RSPO4: variants seen among roughly 807,000 people sequenced by gnomAD.
The protein encoded by RSPO4 is R-spondin-4.
RSPO4 carries 23 observed loss-of-function variants against 24.8 expected under a neutral mutation model. That is an observed-to-expected ratio of 0.93 (90% CI 0.67 to 1.31). RSPO4 has a LOEUF of 1.31. Ranked by LOEUF, RSPO4 falls within the 40% of genes most tolerant of loss-of-function variation. The pLI is 0.00. For missense variants in RSPO4, 333 were observed against 316.5 expected (o/e 1.05, Z -0.39); for synonymous variants, 141 against 127.4 (o/e 1.11, Z -0.72).
chr20:967,607 T>C lies in RSPO4; in HGVS notation c.269-293A>G, dbSNP rs768507606. 1.3e-5 allele frequency among the ~76,000 whole-genome samples: 2 copies of C among 152,166 alleles called. 1 individual carries two copies. Among genetic ancestry groups the C allele is most frequent in the Admixed American group, 1.3e-4 (2 of 15,282 alleles). On this transcript the variant is annotated intron_variant, in intron 2 of 4. Transcript: ENST00000217260. ...CCCTGCTTCTTTTTCACCTCAGAAA[T>C]AGTGATAATTTGCCCAAAGTTACAG...
chr20:983,557 A>C (rs1351390125), intron 1 of RSPO4, among the ~76,000 whole-genome samples: 1 of 152,214 alleles, frequency 6.6e-6, no homozygotes, highest in East Asian at 1.9e-4. Flanking sequence ...CCAGAGTTCC[A>C]CAGTGCTAAT....
At chr20:986,505 A>G (rs545250015) in intron 1 of RSPO4, among the ~76,000 whole-genome samples, 1 of 152,194 alleles carries the variant, frequency 6.6e-6, no homozygotes, top group Admixed American at 6.5e-5. Context: ...GGAAGCAGTG[A>G]TGGGAAAGGA....
At chr20:976,367 T>G (rs1781573855) in intron 1 of RSPO4, among the ~76,000 whole-genome samples, 1 of 152,142 alleles carries the variant, frequency 6.6e-6, no homozygotes, top group Non-Finnish European at 1.5e-5. Context: ...CTCTGGATGG[T>G]GAAGTGCTCA....
chr20:970,811 T>A lies in RSPO4; in HGVS notation c.80-2673A>T, dbSNP rs1984382675. 6.6e-6 allele frequency among the ~76,000 whole-genome samples: 1 copy of A among 152,172 alleles called. No homozygotes were observed. Among genetic ancestry groups the A allele is most frequent in the African/African-American group, 2.4e-5 (1 of 41,422 alleles). ...GCAGTACCTAATAAATTTGGAGATGTCTCTTTTCTTTTTGTGTTAAAAAGT... is the reference window on the plus strand; with the variant it reads ...GCAGTACCTAATAAATTTGGAGATGACTCTTTTCTTTTTGTGTTAAAAAGT... On this transcript the variant is annotated intron_variant, in intron 1 of 4. Coordinates refer to ENST00000217260, the MANE Select transcript of RSPO4 (RefSeq NM_001029871.4). This position sits in a 1 kb window ranked among gnomAD's most constrained non-coding sequence, Gnocchi z 4.1.
At chr20:977,673 G>A (rs1483998179) in intron 1 of RSPO4, among the ~76,000 whole-genome samples, 2 of 152,124 alleles carry the variant, frequency 1.3e-5, no homozygotes, top group East Asian at 1.9e-4. Context: ...TGTCTTGCAT[G>A]AGAACATCAT....
At chr20:993,079 A>T (rs1314352993) in intron 1 of RSPO4, among the ~76,000 whole-genome samples, 1 of 152,214 alleles carries the variant, frequency 6.6e-6, no homozygotes, top group African/African-American at 2.4e-5. Flanking sequence ...GGGCTCTGCC[A>T]TCGGGCTCCA....
Position 967,323 on chromosome 20 carries a change from G to A in RSPO4, c.269-9C>T. On this transcript the variant is annotated splice_polypyrimidine_tract_variant and intron_variant, in intron 2 of 4. Coordinates refer to ENST00000217260, the MANE Select transcript of RSPO4 (RefSeq NM_001029871.4). Reference sequence around the variant, plus strand: ...ACAAGTGGCCCCACATTCTGTAATAGAGCCAGGGACACCCCAGGTGAGGGA... The same window carrying A: ...ACAAGTGGCCCCACATTCTGTAATAAAGCCAGGGACACCCCAGGTGAGGGA... The A allele has an allele frequency of 1.2e-6, 2 of 1,613,984 alleles. No homozygotes were observed. Among genetic ancestry groups the A allele is most frequent in the Non-Finnish European group, 1.7e-6 (2 of 1,180,038 alleles).
In RSPO4 at chr20:960,366, C is replaced by T; in HGVS notation, c.696G>A (p.Leu232=). 6.5e-7 allele frequency: 1 copy of T among 1,536,396 alleles called. No homozygotes were observed. The highest frequency in any genetic ancestry group is 8.7e-7 in the Non-Finnish European group (1 of 1,146,446). The change falls in exon 5 of 5, where the codon CTG becomes CTA. Residue 232 remains leucine, a synonymous_variant. Coordinates refer to ENST00000217260, the MANE Select transcript of RSPO4 (RefSeq NM_001029871.4). The part of the protein sequence containing the change: ...RLDVRPRQPG[L]QP ...TCGGGAGAGCCGGCGGTCAGGGCTG[C>T]AGGCCGGGCTGGCGCGGCCTCACGT... is the stretch of plus-strand genomic sequence containing the variant.
chr20:986,364 T>C (rs1984921265), intron 1 of RSPO4, among the ~76,000 whole-genome samples: 1 of 151,978 alleles, frequency 6.6e-6, no homozygotes, highest in South Asian at 2.1e-4. Flanking sequence ...TCTATCCCCA[T>C]TCCTTCTTCT....
At chr20:977,493 C>T (rs774249060) in intron 1 of RSPO4, among the ~76,000 whole-genome samples, 24 of 152,180 alleles carry the variant, frequency 1.6e-4, no homozygotes, top group Admixed American at 7.2e-4. Flanking sequence ...GACAGTCAAG[C>T]GGGTCTCCAT....
chr20:967,286 G>A lies in RSPO4; in HGVS notation c.297C>T (p.Phe99=). The change falls in exon 3 of 5, where the codon TTC becomes TTT. Residue 99 remains phenylalanine (F), a synonymous_variant. Coordinates refer to ENST00000217260, the MANE Select transcript of RSPO4 (RefSeq NM_001029871.4). Reference sequence around the variant, plus strand: ...TGCACCGGATGCAGAAGTCCTGGCTGAAGCAGCTCTCACAAGTGGCCCCAC... The same window carrying A: ...TGCACCGGATGCAGAAGTCCTGGCTAAAGCAGCTCTCACAAGTGGCCCCAC... ...KKCGATCESC[F]SQDFCIRCKR... 2 of 1,614,218 alleles carry A rather than the reference G, an allele frequency of 1.2e-6. No individual in the cohort carries two copies. The highest frequency in any genetic ancestry group is 1.7e-6 in the Non-Finnish European group (2 of 1,180,038).
chr20:960,179 A>G lies in RSPO4; in HGVS notation c.*178T>C, dbSNP rs905315034. The G allele has an allele frequency of 1.5e-5, 9 of 598,456 alleles. No homozygotes were observed. Among genetic ancestry groups the G allele is most frequent in the Middle Eastern group, 4.2e-4 (1 of 2,384 alleles). 37.1% of individuals were successfully genotyped at this position (598,456 alleles called of 1,614,324 possible). On this transcript the variant is annotated 3_prime_UTR_variant, in exon 5 of 5. Coordinates refer to ENST00000217260, the MANE Select transcript of RSPO4 (RefSeq NM_001029871.4). ...AGAATGGAGGTGGAAGAAATAAAGG[A>G]AATAAAAAAGAAAAAGAAAGGGAAG... is the stretch of plus-strand genomic sequence containing the variant.
chr20:963,822 T>C (rs1984082724), intron 4 of RSPO4, 113 bp downstream of exon 4: 1 of 1,061,466 alleles, frequency 9.4e-7, no homozygotes. Context: ...GTATGGCTAA[T>C]GGTGGCCTTT....
At chr20:994,672 TC>T (rs1360326456) in intron 1 of RSPO4, among the ~76,000 whole-genome samples, 1 of 150,726 alleles carries the variant, frequency 6.6e-6, no homozygotes, top group East Asian at 2.0e-4. Context: ...TTCTCATGCC[TC>T]AGCCTCCTGA....
rs755822660 is a variant in RSPO4 at position 960,455 on chromosome 20, C to T, written c.607G>A (p.Gly203Ser). 5.8e-5 allele frequency: 90 copies of T among 1,539,034 alleles called. No homozygotes were observed. In the South Asian group the frequency reaches 6.9e-4, roughly 12 times the overall value. Residue 203 changes from glycine to serine, a missense_variant, in exon 5 of 5, where the codon GGC (glycine) becomes AGC (serine). Transcript: ENST00000217260. ...QRPCPGERSP[G>S]QKKGRKDRRP... ...CGGTCCTTCCTGCCCTTCTTCTGGC[C>T]GGGGCTCCTCTCTGCAATGAGAGGA...
rs1297591737 is a variant in RSPO4, at chr20:958,905, G to A, written c.*1452C>T. On this transcript the variant is annotated 3_prime_UTR_variant, in exon 5 of 5. Transcript: ENST00000217260. Reference sequence around the variant, plus strand: ...CGGCAAATACAAATCCCGTTTCTGAGGATTCCGGGGAGCAGAGCAGGAAGG... The same window carrying A: ...CGGCAAATACAAATCCCGTTTCTGAAGATTCCGGGGAGCAGAGCAGGAAGG... The A allele has an allele frequency of 6.6e-6, 1 of 152,514 alleles. No homozygotes were observed. The highest frequency in any genetic ancestry group is 1.5e-5 in the Non-Finnish European group (1 of 68,304). 9.4% of individuals were successfully genotyped at this position (152,514 alleles called of 1,614,324 possible). A position where few individuals can be genotyped will look rare whatever the true frequency, so the allele number is the denominator to read the frequency against.
chr20:996,408 C>T (rs981796506), intron 1 of RSPO4, among the ~76,000 whole-genome samples: 2 of 152,166 alleles, frequency 1.3e-5, no homozygotes, highest in Non-Finnish European at 1.5e-5. Flanking sequence ...CCATGTGACA[C>T]CTTAGCCAAG....
chr20:968,015 T>G lies in RSPO4; in HGVS notation c.203A>C (p.Lys68Thr). The G allele has an allele frequency of 6.2e-7, 1 of 1,614,254 alleles. No individual in the cohort carries two copies. Among genetic ancestry groups the G allele is most frequent in the Admixed American group, 1.7e-5 (1 of 60,034 alleles). The stretch of plus-strand genomic sequence containing the variant: ...CCCAGGGGGACAGTCGTGCAGGCAC[T>G]TGCCGTACTGGCGGATGCCTTCCCG... ...IRREGIRQYG[K>T]CLHDCPPGYF... The change falls in exon 2 of 5, where the codon AAG becomes ACG. Residue 68 changes from lysine (K) to threonine (T), a missense_variant. Lys to Thr is a moderately conservative substitution (Grantham distance 78). Coordinates refer to ENST00000217260, the MANE Select transcript of RSPO4 (RefSeq NM_001029871.4).
chr20:992,199 A>G (rs953134045), intron 1 of RSPO4, among the ~76,000 whole-genome samples: 1 of 151,018 alleles, frequency 6.6e-6, no homozygotes, highest in African/African-American at 2.4e-5. Context: ...ACGCACACGG[A>G]TGCATGTTAC....
Sources: allele counts gnomAD v4.1 joint callset (sites outside exome capture counted in the v4.1 genomes callset), GRCh38; gene constraint gnomAD v4.1.1; non-coding constraint Gnocchi (gnomAD v3.1); transcripts MANE v1.5; gene names NCBI Gene and HGNC (gene_info 2026-07-23, HGNC 2026-07-21).